The following LVRN variants were observed in gnomAD, a reference collection of about 807,000 sequenced individuals.
LVRN encodes laeverin.
In LVRN, 99 loss-of-function variants were observed where a neutral mutation model predicts 111.4. The observed-to-expected ratio is 0.89, with a 90% CI of 0.76 to 1.05. The LOEUF (loss-of-function observed/expected upper bound fraction) is 1.05, where lower values mean the gene tolerates loss of function less well. LVRN is among the 50% of genes least tolerant of loss of function. The pLI is 0.00. For missense variants in LVRN, 1,414 were observed against 1,206.8 expected (o/e 1.17, Z -2.54); for synonymous variants, 488 against 449.5 (o/e 1.09, Z -1.08).
At chr5:115,991,202 C>G (rs991735238) in intron 4 of LVRN, among the ~76,000 whole-genome samples, 3 of 152,092 alleles carry the variant, frequency 2.0e-5, no homozygotes, top group African/African-American at 7.2e-5. Context: ...TCTATTTATC[C>G]TCCCCTGCTT....
intron 1 of LVRN, among the ~76,000 whole-genome samples, chr5:115,971,707 CT>C (rs1753331306): frequency 6.6e-6 from 1 of 152,002 alleles, no homozygotes; most frequent in African/African-American, 2.4e-5. Context: ...TCTGTATTGT[CT>C]TGATTCCTGT....
At chr5:115,982,325 C>T (rs192234028) in intron 1 of LVRN, among the ~76,000 whole-genome samples, 4 of 152,094 alleles carry the variant, frequency 2.6e-5, no homozygotes, top group Admixed American at 2.6e-4. Flanking sequence ...GGCATATACT[C>T]TTGAGATATC....
intron 11 of LVRN, 131 bp downstream of exon 11, chr5:116,003,042 G>A (rs1748270032): frequency 4.3e-6 from 4 of 938,850 alleles, no homozygotes; most frequent in Non-Finnish European, 6.2e-6. Context: ...AGAGCATAGA[G>A]TTTTAAAGAA....
chr5:116,007,021 C>T (rs1392731285), intron 13 of LVRN, among the ~76,000 whole-genome samples: 1 of 152,136 alleles, frequency 6.6e-6, no homozygotes, highest in Admixed American at 6.5e-5. Flanking sequence ...GCACAGTCAC[C>T]AAGTCCTATC....
At chr5:115,993,200 GTT>G (rs35417462) in intron 5 of LVRN, among the ~76,000 whole-genome samples, 4 of 148,700 alleles carry the variant, frequency 2.7e-5, no homozygotes, top group East Asian at 2.0e-4. Context: ...ATTTGACACT[GTT>G]TTTTTTTTTC....
Position 116,012,444 on chromosome 5 carries a change from C to G in LVRN, c.2318C>G (p.Ala773Gly), listed in dbSNP as rs140190850. 1 of 1,546,222 alleles carries G rather than the reference C, an allele frequency of 6.5e-7. No individual in the cohort carries two copies. Among genetic ancestry groups the G allele is most frequent in the Non-Finnish European group, 8.9e-7 (1 of 1,126,764 alleles). Residue 773 changes from alanine (A) to glycine (G), a missense_variant, in exon 15 of 20, where the codon GCA becomes GGA. Physicochemically the swap from Ala to Gly is moderately conservative, Grantham distance 60 (BLOSUM62 0). Coordinates refer to ENST00000357872, the MANE Select transcript of LVRN (RefSeq NM_173800.5). ...YSTIIRENVL[A>G]LQDDYLALIS... ...ACTATAATTCGTGAAAATGTGTTGG[C>G]ATTACAAGATGACTACTTAGCTCTG...
In LVRN at chr5:116,005,924, A is replaced by T. The variant is rs1344254450; in HGVS notation, c.2050A>T (p.Ile684Phe). Residue 684 changes from isoleucine (I) to phenylalanine (F), a missense_variant, in exon 13 of 20, where the codon ATT becomes TTT. Physicochemically the swap from Ile to Phe is conservative, Grantham distance 21. Transcript: ENST00000357872. ...TCTAATTCTGCAGGCGATTCCTGTT[A>T]TTCACAGACTGCAGTTGATTGATGA... ...LEKDPKAIPV[I>F]HRLQLIDDAF... is the part of the protein sequence containing the mutation. The T allele has an allele frequency of 1.3e-6, 2 of 1,597,996 alleles. No homozygotes were observed. Among genetic ancestry groups the T allele is most frequent in the African/African-American group, 1.3e-5 (1 of 74,502 alleles).
intron 6 of LVRN, among the ~76,000 whole-genome samples, chr5:115,999,169 T>C (rs1748183947): frequency 6.6e-6 from 1 of 152,188 alleles, no homozygotes; most frequent in South Asian, 2.1e-4. Context: ...CAGGGAGAAA[T>C]TGCCCTTATC....
chr5:116,011,280 T>C (rs1005418456), intron 14 of LVRN, among the ~76,000 whole-genome samples: 9 of 151,912 alleles, frequency 5.9e-5, no homozygotes, highest in Non-Finnish European at 8.8e-5. Flanking sequence ...GTAACAACTC[T>C]GTGTTTATAA....
intron 6 of LVRN, among the ~76,000 whole-genome samples, chr5:115,995,987 C>T (rs1316492): frequency 0.08 from 12,230 of 151,962 alleles, 640 homozygotes; most frequent in East Asian, 0.19. Flanking sequence ...TATCTGCATA[C>T]AGTATGTGTT....
At position 115,962,853 on chromosome 5, in the gene LVRN, C is replaced by G. The variant is rs558163901; in HGVS notation, c.236C>G (p.Ala79Gly). 6.2e-7 allele frequency: 1 copy of G among 1,613,142 alleles called. No individual in the cohort carries two copies. Among genetic ancestry groups the G allele is most frequent in the Non-Finnish European group, 8.5e-7 (1 of 1,179,796 alleles). The change falls in exon 1 of 20, where the codon GCG becomes GGG. Residue 79 changes from alanine to glycine, a missense_variant. Transcript: ENST00000357872. ...AAACCCAGCAGTGCACGCGAGCTAG[C>G]GGTGACGACCACCCCGAGCAACTGG... ...TPKPSSARELAVTTTPSNWRP... is the reference protein window; with the variant it reads ...TPKPSSARELGVTTTPSNWRP...
chr5:115,997,539 T>C (rs1748141845), intron 6 of LVRN, among the ~76,000 whole-genome samples: 1 of 151,984 alleles, frequency 6.6e-6, no homozygotes, highest in Admixed American at 6.6e-5. Context: ...TGCTGCACCC[T>C]TGTAGTCCTA....
intron 5 of LVRN, among the ~76,000 whole-genome samples, chr5:115,993,261 C>T (rs796859081): frequency 4.7e-5 from 7 of 150,396 alleles, no homozygotes; most frequent in African/African-American, 9.8e-5. Flanking sequence ...TATTGCATAA[C>T]GTATGATTAC....
intron 1 of LVRN, among the ~76,000 whole-genome samples, chr5:115,979,375 T>C (rs1213826640): frequency 6.6e-6 from 1 of 152,120 alleles, no homozygotes; most frequent in Non-Finnish European, 1.5e-5. Flanking sequence ...TCCAAGCCCA[T>C]AGTTAGAAGG....
At chr5:116,002,131 T>C (rs1412008787) in intron 10 of LVRN, among the ~76,000 whole-genome samples, 1 of 152,244 alleles carries the variant, frequency 6.6e-6, no homozygotes, top group Non-Finnish European at 1.5e-5. Context: ...CTCCCTGTAC[T>C]ACTCTGTGGT....
chr5:116,018,030 G>A (rs1189940117), intron 18 of LVRN, among the ~76,000 whole-genome samples: 2 of 152,096 alleles, frequency 1.3e-5, no homozygotes, highest in African/African-American at 4.8e-5. Flanking sequence ...GGAGGCCAAG[G>A]CAGGACGATC....
intron 13 of LVRN, among the ~76,000 whole-genome samples, chr5:116,007,921 G>A (rs1218382828): frequency 6.6e-6 from 1 of 152,226 alleles, no homozygotes; most frequent in Non-Finnish European, 1.5e-5. Flanking sequence ...GTTTTGGGGT[G>A]CAATGAATCA....
intron 12 of LVRN, among the ~76,000 whole-genome samples, chr5:116,005,047 G>T (rs768534481): frequency 1.3e-5 from 2 of 152,172 alleles, no homozygotes; most frequent in Non-Finnish European, 2.9e-5. Context: ...TGAAACCATT[G>T]TAGATTTACT....
chr5:115,984,020 T>C (rs1311269797), intron 2 of LVRN, among the ~76,000 whole-genome samples: 1 of 152,096 alleles, frequency 6.6e-6, no homozygotes, highest in African/African-American at 2.4e-5. Flanking sequence ...CAGCAGGAGG[T>C]TGGCTGCCTC....
Sources: gnomAD v4.1 joint callset for allele counts (sites outside exome capture counted in the v4.1 genomes callset) on GRCh38, gnomAD v4.1.1 for gene constraint, MANE v1.5 for transcripts, NCBI Gene and HGNC (gene_info 2026-07-23, HGNC 2026-07-21) for gene names.